PREX2: variants seen among roughly 807,000 people sequenced by gnomAD.
PREX2 encodes phosphatidylinositol 3,4,5-trisphosphate-dependent Rac exchanger 2 protein.
PREX2 carries 107 observed loss-of-function variants against 203.2 expected under a neutral mutation model. That is an observed-to-expected ratio of 0.53 (90% CI 0.45 to 0.62). PREX2 has a LOEUF of 0.62. PREX2 is among the 20% of genes least tolerant of loss of function. The pLI, the probability that PREX2 is intolerant of heterozygous loss-of-function variation, is 0.00. For missense variants in PREX2, 1,777 were observed against 1,955.9 expected, an observed-to-expected ratio of 0.91 and a Z score of 1.72; for synonymous variants, 672 against 663.6, an observed-to-expected ratio of 1.01 and a Z score of -0.19.
At chr8:68,112,479 G>A (rs536091915) in intron 25 of PREX2, among the ~76,000 whole-genome samples, 1 of 151,956 alleles carries the variant, frequency 6.6e-6, no homozygotes, top group South Asian at 2.1e-4. Context: ...GTAACCCGGG[G>A]GTTACAGATA....
At chr8:68,099,899 C>T (rs372917522) in intron 23 of PREX2, 56 bp downstream of exon 23, 4 of 1,394,576 alleles carry the variant, frequency 2.9e-6, no homozygotes, top group Non-Finnish European at 4.1e-6. Flanking sequence ...ATTTGAATGT[C>T]AAATTTAAAT....
chr8:68,164,175 G>A (rs1199198795), intron 35 of PREX2, among the ~76,000 whole-genome samples: 1 of 151,894 alleles, frequency 6.6e-6, no homozygotes, highest in Non-Finnish European at 1.5e-5. Context: ...TACCTAAGAT[G>A]GCAAAGAGGA....
intron 25 of PREX2, chr8:68,111,039 T>C: frequency 2.9e-6 from 1 of 350,390 alleles, no homozygotes; most frequent in Non-Finnish European, 5.6e-6. Flanking sequence ...AGTTTATATT[T>C]TAGGATATGA....
At chr8:68,011,603 G>A (rs1474906011) in intron 1 of PREX2, among the ~76,000 whole-genome samples, 1 of 152,010 alleles carries the variant, frequency 6.6e-6, no homozygotes. Flanking sequence ...TTCTCCAAGT[G>A]TTTGAAGAGA....
chr8:68,231,451 C>A lies in PREX2; in HGVS notation c.*73C>A. ...CTAGACAAACTACATGCTGGCTAAA[C>A]ATTCTCCACTGAAGATACATCAATG... On this transcript the variant is annotated 3_prime_UTR_variant, in exon 40 of 40. Transcript: ENST00000288368. 7.3e-5 allele frequency: 74 copies of A among 1,009,112 alleles called. No individual in the cohort carries two copies. The highest frequency in any genetic ancestry group is 1.0e-4 in the Non-Finnish European group (70 of 696,284). 62.5% of individuals were successfully genotyped at this position (1,009,112 alleles called of 1,614,324 possible). A position where few individuals can be genotyped will look rare whatever the true frequency, so the allele number is the denominator to read the frequency against.
rs1478837404 is a variant in PREX2, at chr8:68,235,870, A to G, written c.*4492A>G. ...AAGACTGTTAAAGTGTGGTCTGTGC[A>G]TCATTGAGCAATTGTTATGTAGACA... On this transcript the variant is annotated 3_prime_UTR_variant, in exon 40 of 40. Transcript: ENST00000288368. 1 of 152,150 alleles carries G rather than the reference A, an allele frequency of 6.6e-6. No individual in the cohort carries two copies. The highest frequency in any genetic ancestry group is 1.5e-5 in the Non-Finnish European group (1 of 68,024). 9.4% of individuals were successfully genotyped at this position (152,150 alleles called of 1,614,324 possible). A position where few individuals can be genotyped will look rare whatever the true frequency, so the allele number is the denominator to read the frequency against.
At chr8:67,969,318 G>A (rs1156781842) in intron 1 of PREX2, among the ~76,000 whole-genome samples, 1 of 152,146 alleles carries the variant, frequency 6.6e-6, no homozygotes. Context: ...CAGCTTCAGA[G>A]ATCTCTGCTA....
chr8:68,012,892 A>C (rs1472666148), intron 1 of PREX2, among the ~76,000 whole-genome samples: 1 of 152,232 alleles, frequency 6.6e-6, no homozygotes, highest in Non-Finnish European at 1.5e-5. Context: ...TCCAGCTCCA[A>C]ATGTCAATAA....
At chr8:67,971,393 G>T (rs903871233) in intron 1 of PREX2, among the ~76,000 whole-genome samples, 1 of 152,154 alleles carries the variant, frequency 6.6e-6, no homozygotes, top group African/African-American at 2.4e-5. Context: ...CTCAGGGTGC[G>T]GGGAGAGAGG....
At chr8:68,081,104 A>G (rs1011401262) in intron 17 of PREX2, among the ~76,000 whole-genome samples, 3 of 152,202 alleles carry the variant, frequency 2.0e-5, no homozygotes, top group East Asian at 3.9e-4. Context: ...TCTTGGTACC[A>G]GGGACTGGTT....
chr8:67,980,751 TC>T (rs995284965), intron 1 of PREX2, among the ~76,000 whole-genome samples: 22 of 152,286 alleles, frequency 1.4e-4, no homozygotes, highest in African/African-American at 5.3e-4. Flanking sequence ...ATAAGGGGCT[TC>T]CCCCTTTGTT....
At chr8:68,190,664 T>G (rs1812273699) in intron 35 of PREX2, among the ~76,000 whole-genome samples, 1 of 151,920 alleles carries the variant, frequency 6.6e-6, no homozygotes, top group Non-Finnish European at 1.5e-5. Flanking sequence ...ACTATTTGAG[T>G]GATGGGTACA....
Position 68,060,686 on chromosome 8 carries a change from G to A in PREX2, c.1246G>A (p.Val416Met), listed in dbSNP as rs1808823554. ...ACTGACTTTCTCTTGCAGCGAATTT[G>A]TGTCATGGCTGTTGGAAATTGGAGA... is the stretch of plus-strand genomic sequence containing the variant. ...FPKCFLGSEF[V>M]SWLLEIGEIH... The change falls in exon 11 of 40, where the codon GTG becomes ATG. Residue 416 changes from valine to methionine, a missense_variant. By Grantham distance (21) the Val-to-Met change is conservative. Transcript: ENST00000288368. The A allele has an allele frequency of 6.2e-7, 1 of 1,609,780 alleles. No homozygotes were observed.
chr8:68,187,402 A>T (rs1193890564), intron 35 of PREX2, among the ~76,000 whole-genome samples: 1 of 152,210 alleles, frequency 6.6e-6, no homozygotes, highest in Non-Finnish European at 1.5e-5. Flanking sequence ...ATTATGCCTT[A>T]TCATGGCTAA....
intron 1 of PREX2, among the ~76,000 whole-genome samples, chr8:68,002,655 G>C (rs1249207501): frequency 2.4e-5 from 2 of 82,856 alleles, no homozygotes; most frequent in East Asian, 7.8e-4. Context: ...AATTTTATTT[G>C]CTTCTTAATC....
chr8:68,080,579 A>T lies in PREX2; in HGVS notation c.1779A>T (p.Ser593=), dbSNP rs751509441. ...TTGTGGAAAATGTTATAGCTAAGTC[A>T]TTATTGGTAAGTTTATTGATATGTT... is the stretch of plus-strand genomic sequence containing the variant. The part of the protein sequence containing the change: ...LKVVENVIAK[S]LLIKSNEGSY... The change falls in exon 16 of 40, where the codon TCA becomes TCT. Residue 593 remains serine (S), a synonymous_variant. Coordinates refer to ENST00000288368, the MANE Select transcript of PREX2 (RefSeq NM_024870.4). 1 of 1,599,656 alleles carries T rather than the reference A, an allele frequency of 6.3e-7. No individual in the cohort carries two copies. The highest frequency in any genetic ancestry group is 8.5e-7 in the Non-Finnish European group (1 of 1,170,150).
At chr8:68,040,121 T>G (rs1368122428) in intron 7 of PREX2, among the ~76,000 whole-genome samples, 1 of 152,102 alleles carries the variant, frequency 6.6e-6, no homozygotes, top group East Asian at 1.9e-4. Flanking sequence ...CTTGAACTTC[T>G]GGGCTCAAGC....
intron 34 of PREX2, among the ~76,000 whole-genome samples, chr8:68,155,033 G>C (rs1811513119): frequency 6.6e-6 from 1 of 152,098 alleles, no homozygotes; most frequent in Non-Finnish European, 1.5e-5. Flanking sequence ...TTCTAGGTGG[G>C]TTACATTCCA....
At chr8:67,959,863 C>A (rs1319736239) in intron 1 of PREX2, among the ~76,000 whole-genome samples, 1 of 152,098 alleles carries the variant, frequency 6.6e-6, no homozygotes, top group Non-Finnish European at 1.5e-5. Flanking sequence ...AAAATCCTCG[C>A]ACTGAAACTT....
Sources: allele counts gnomAD v4.1 joint callset (sites outside exome capture counted in the v4.1 genomes callset), GRCh38; gene constraint gnomAD v4.1.1; transcripts MANE v1.5; gene names NCBI Gene and HGNC (gene_info 2026-07-23, HGNC 2026-07-21).